CYTIP: variants seen among roughly 807,000 people sequenced by gnomAD.
CYTIP encodes cytohesin-interacting protein.
In CYTIP, 26 loss-of-function variants were observed where a neutral mutation model predicts 43.8. That is an observed-to-expected ratio of 0.59 (90% CI 0.44 to 0.82). The LOEUF is 0.82. CYTIP is among the 40% of genes least tolerant of loss of function. The pLI is 0.00. For synonymous variants in CYTIP, 162 were observed against 162.9 expected, an observed-to-expected ratio of 0.99 and a Z score of 0.04; for missense variants, 426 against 443.1, an observed-to-expected ratio of 0.96 and a Z score of 0.35.
chr2:157,443,626 A>G (rs1482916153), intron 1 of CYTIP, among the ~76,000 whole-genome samples: 6 of 152,150 alleles, frequency 3.9e-5, no homozygotes, highest in African/African-American at 1.2e-4. Context: ...AATAAGAAAA[A>G]CAATCTTAAT....
intron 1 of CYTIP, among the ~76,000 whole-genome samples, chr2:157,437,513 C>T (rs1227733712): frequency 2.0e-5 from 3 of 151,748 alleles, no homozygotes; most frequent in Non-Finnish European, 4.4e-5. Context: ...TCAGCCTGGC[C>T]AACATGGTAA....
chr2:157,440,661 GA>G (rs936675390), intron 1 of CYTIP, among the ~76,000 whole-genome samples: 4 of 152,118 alleles, frequency 2.6e-5, no homozygotes, highest in African/African-American at 9.7e-5. Flanking sequence ...ACTTATAGAT[GA>G]AATCAGCCTG....
chr2:157,430,500 C>G (rs569718078), intron 5 of CYTIP, 59 bp downstream of exon 5: 1 of 1,439,936 alleles, frequency 6.9e-7, no homozygotes. Context: ...ATTCACTCAT[C>G]AGGCTTTATG....
chr2:157,443,486 A>T lies in CYTIP; in HGVS notation c.174+361T>A, dbSNP rs1685948896. On this transcript the variant is annotated intron_variant, in intron 1 of 7. Coordinates refer to ENST00000264192, the MANE Select transcript of CYTIP (RefSeq NM_004288.5). ...TGACCATCAAGGACTGCAAGTAAGG[A>T]TGGAAGGGAAAGAATCAGTGGAGAC... Among the ~76,000 whole-genome samples, 3 of 152,352 alleles carry T rather than the reference A, an allele frequency of 2.0e-5. No individual in the cohort carries two copies. The South Asian group carries it at 6.2e-4, about 32-fold the overall frequency.
At chr2:157,418,610 A>G in intron 6 of CYTIP, 21 bp from the exon 7 acceptor site, 1 of 1,560,056 alleles carries the variant, frequency 6.4e-7, no homozygotes, top group Non-Finnish European at 8.6e-7. Context: ...AAAAAAAAAA[A>G]AAAAAAGTTT....
intron 6 of CYTIP, 29 bp from the exon 7 acceptor site, chr2:157,418,618 T>G: frequency 1.0e-6 from 1 of 981,192 alleles, no homozygotes; most frequent in Non-Finnish European, 1.5e-6. Flanking sequence ...AAAAAAAAAG[T>G]TTTTATTATT....
chr2:157,431,302 G>A (rs917888766), intron 3 of CYTIP, among the ~76,000 whole-genome samples: 2 of 152,160 alleles, frequency 1.3e-5, no homozygotes, highest in Admixed American at 6.5e-5. Flanking sequence ...CGATGGCCAA[G>A]TGCAATGAGA....
At chr2:157,429,628 G>GA (rs1685670229) in intron 5 of CYTIP, among the ~76,000 whole-genome samples, 1 of 152,104 alleles carries the variant, frequency 6.6e-6, no homozygotes, top group African/African-American at 2.4e-5. Context: ...ATGAATGAGC[G>GA]AATTTCATCA....
Position 157,415,427 on chromosome 2 carries a change from G to A in CYTIP, c.*250C>T. On this transcript the variant is annotated 3_prime_UTR_variant, in exon 8 of 8. Coordinates refer to ENST00000264192, the MANE Select transcript of CYTIP (RefSeq NM_004288.5). Reference sequence around the variant, plus strand: ...TTCAAAGACATTACTGGAATGAGCAGGAACCTGCATCTTTGTTATATTAAT... The same window carrying A: ...TTCAAAGACATTACTGGAATGAGCAAGAACCTGCATCTTTGTTATATTAAT... 2.5e-6 allele frequency: 1 copy of A among 398,960 alleles called. No individual in the cohort carries two copies. Among genetic ancestry groups the A allele is most frequent in the East Asian group, 4.8e-5 (1 of 20,824 alleles). 24.7% of individuals were successfully genotyped at this position (398,960 alleles called of 1,614,324 possible).
chr2:157,428,368 T>C (rs185192376), intron 5 of CYTIP, among the ~76,000 whole-genome samples: 2 of 152,340 alleles, frequency 1.3e-5, no homozygotes, highest in Admixed American at 1.3e-4. Flanking sequence ...CTACTTCTAA[T>C]AGCATCATGC....
intron 3 of CYTIP, among the ~76,000 whole-genome samples, chr2:157,433,144 C>T (rs1573860117): frequency 6.6e-6 from 1 of 152,176 alleles, no homozygotes; most frequent in Non-Finnish European, 1.5e-5. Flanking sequence ...CACTGCTGCA[C>T]ATCCTTGAGG....
intron 7 of CYTIP, among the ~76,000 whole-genome samples, chr2:157,417,981 A>G (rs1473174948): frequency 6.6e-6 from 1 of 152,246 alleles, no homozygotes; most frequent in Non-Finnish European, 1.5e-5. Context: ...CCCTTCCCTT[A>G]AAAATGCACT....
chr2:157,433,234 A>C (rs1685741592), intron 3 of CYTIP, among the ~76,000 whole-genome samples: 2 of 152,174 alleles, frequency 1.3e-5, no homozygotes, highest in South Asian at 4.1e-4. Context: ...ATGACCGGGG[A>C]GTAAGAGGGA....
At chr2:157,434,604 A>AGG (rs1449963967) in intron 2 of CYTIP, 94 bp downstream of exon 2, 4 of 949,572 alleles carry the variant, frequency 4.2e-6, no homozygotes, top group Non-Finnish European at 6.7e-6. Context: ...GTAGAGAGAG[A>AGG]GAGAGAGAGA....
chr2:157,428,215 T>C (rs955389100), intron 5 of CYTIP, among the ~76,000 whole-genome samples: 2 of 152,218 alleles, frequency 1.3e-5, no homozygotes, highest in South Asian at 2.1e-4. Flanking sequence ...CTGAATATGA[T>C]TTAAAAATTT....
At position 157,427,421 on chromosome 2, in the gene CYTIP, CTGTTT is replaced by C. The variant is rs765575477; in HGVS notation, c.477-6_477-2del. Reference sequence around the variant, plus strand: ...CATTGTTCCATTAAGAGTCTCTATCCTGTTTTAAGGAAAAAAAAAAGAAGAGGAAG... The same window carrying C: ...CATTGTTCCATTAAGAGTCTCTATCCTAAGGAAAAAAAAAAGAAGAGGAAG... On this transcript the variant is annotated splice_acceptor_variant and splice_polypyrimidine_tract_variant and intron_variant, in intron 5 of 7. Transcript: ENST00000264192. LOFTEE classifies it high-confidence loss of function. 2 of 1,595,100 alleles carry C rather than the reference CTGTTT, an allele frequency of 1.3e-6. No homozygotes were observed. The highest frequency in any genetic ancestry group is 4.5e-5 in the East Asian group (2 of 44,748).
Position 157,430,630 on chromosome 2 carries a change from A to G in CYTIP, c.405T>C (p.Asn135=). 1 of 1,614,186 alleles carries G rather than the reference A, an allele frequency of 6.2e-7. No individual in the cohort carries two copies. The highest frequency in any genetic ancestry group is 1.1e-5 in the South Asian group (1 of 91,086). The change falls in exon 5 of 8, where the codon AAT becomes AAC. Residue 135 remains asparagine (N), a synonymous_variant. Transcript: ENST00000264192. ...LQAGDVLANI[N]GVSTEGFTYK... ...AGGTAAAACCTTCTGTGCTCACACC[A>G]TTGATATTTGCAAGGACATCACCTG...
intron 1 of CYTIP, among the ~76,000 whole-genome samples, chr2:157,436,612 T>C (rs1355871263): frequency 6.6e-6 from 1 of 152,018 alleles, no homozygotes; most frequent in African/African-American, 2.4e-5. Context: ...TATATGTATA[T>C]ATTTATATGA....
intron 1 of CYTIP, among the ~76,000 whole-genome samples, chr2:157,443,140 A>T (rs1268301963): frequency 6.6e-6 from 1 of 152,212 alleles, no homozygotes; most frequent in Non-Finnish European, 1.5e-5. Flanking sequence ...CATTTAATAA[A>T]CACACACTGA....
Sources: gnomAD v4.1 joint callset for allele counts (sites outside exome capture counted in the v4.1 genomes callset) on GRCh38, gnomAD v4.1.1 for gene constraint, MANE v1.5 for transcripts, NCBI Gene and HGNC (gene_info 2026-07-23, HGNC 2026-07-21) for gene names.